TNNI3K: variants seen among roughly 807,000 people sequenced by gnomAD.
TNNI3K encodes the protein serine/threonine-protein kinase TNNI3K.
TNNI3K carries 140 observed loss-of-function variants against 114.5 expected under a neutral mutation model. That is an observed-to-expected ratio of 1.22 (90% CI 1.07 to 1.41). The LOEUF (loss-of-function observed/expected upper bound fraction) is 1.41, where lower values mean the gene tolerates loss of function less well. Ranked by LOEUF, TNNI3K falls within the 40% of genes most tolerant of loss-of-function variation. The probability of loss-of-function intolerance (pLI) is 0.00; values close to 1 mark genes in which losing one functional copy is unlikely to be tolerated. For synonymous variants in TNNI3K, 347 were observed against 347.5 expected, an observed-to-expected ratio of 1.00 and a Z score of 0.02; for missense variants, 1,125 against 1,007.6, an observed-to-expected ratio of 1.12 and a Z score of -1.58.
At chr1:74,378,694 A>G (rs1323807046) in intron 17 of TNNI3K, 1 of 141,744 alleles carries the variant, frequency 7.1e-6, no homozygotes, top group African/African-American at 2.6e-5. Context: ...ATTCATAATG[A>G]CCAATGTGAC....
intron 17 of TNNI3K, chr1:74,372,408 C>T (rs1662664167): frequency 1.3e-5 from 2 of 151,874 alleles, no homozygotes; most frequent in South Asian, 4.2e-4. Flanking sequence ...AGAGATAAAT[C>T]AGATACGTGA....
chr1:74,334,288 C>T (rs552840612), intron 6 of TNNI3K, among the ~76,000 whole-genome samples: 12 of 152,274 alleles, frequency 7.9e-5, no homozygotes, highest in Admixed American at 6.5e-4. Context: ...CTAATATTTT[C>T]TCTAGAATTT....
At chr1:74,242,599 C>T (rs1654306802) in intron 2 of TNNI3K, among the ~76,000 whole-genome samples, 1 of 151,992 alleles carries the variant, frequency 6.6e-6, no homozygotes, top group Non-Finnish European at 1.5e-5. Context: ...TTATAATTAA[C>T]ATAGAATGAA....
intron 24 of TNNI3K, among the ~76,000 whole-genome samples, chr1:74,542,578 T>A (rs1263801231): frequency 6.6e-6 from 1 of 152,214 alleles, no homozygotes; most frequent in Admixed American, 6.5e-5. Context: ...AGTATCACTA[T>A]CAGTGGCATT....
At chr1:74,528,928 A>G (rs562684224) in intron 23 of TNNI3K, among the ~76,000 whole-genome samples, 1 of 152,344 alleles carries the variant, frequency 6.6e-6, no homozygotes, top group East Asian at 1.9e-4. Flanking sequence ...AGCCTGAAAC[A>G]TCTTGCACCA....
At chr1:74,348,816 A>G (rs1661166220) in intron 9 of TNNI3K, among the ~76,000 whole-genome samples, 3 of 152,072 alleles carry the variant, frequency 2.0e-5, no homozygotes, top group Admixed American at 6.6e-5. Context: ...TTGGTGTATA[A>G]GAATGCTTGT....
chr1:74,366,743 C>T (rs1662293428), intron 11 of TNNI3K: 1 of 152,028 alleles, frequency 6.6e-6, no homozygotes, highest in Admixed American at 6.6e-5. Flanking sequence ...AAGAGGAGTA[C>T]AAATATTGGC....
intron 17 of TNNI3K, among the ~76,000 whole-genome samples, chr1:74,394,874 C>G (rs1356310422): frequency 6.6e-6 from 1 of 151,958 alleles, no homozygotes; most frequent in Non-Finnish European, 1.5e-5. Context: ...GAAACCCCGT[C>G]TCTACTAAAA....
At chr1:74,360,937 T>C (rs1456658770) in intron 11 of TNNI3K, among the ~76,000 whole-genome samples, 1 of 152,094 alleles carries the variant, frequency 6.6e-6, no homozygotes, top group Non-Finnish European at 1.5e-5. Flanking sequence ...TTGAATTCAG[T>C]GGATGACTCC....
At chr1:74,322,461 C>CTTT (rs113272069) in intron 5 of TNNI3K, among the ~76,000 whole-genome samples, 11 of 138,898 alleles carry the variant, frequency 7.9e-5, no homozygotes, top group South Asian at 2.3e-4. Context: ...CTAATTCTAC[C>CTTT]TTTTTTTTTT....
intron 17 of TNNI3K, chr1:74,376,931 T>G (rs1001500382): frequency 1.3e-5 from 2 of 152,052 alleles, no homozygotes; most frequent in East Asian, 1.9e-4. Context: ...TTAATTCTTA[T>G]GACCTAGGAG....
At chr1:74,322,434 A>G (rs1453800651) in intron 5 of TNNI3K, among the ~76,000 whole-genome samples, 3 of 147,044 alleles carry the variant, frequency 2.0e-5, no homozygotes, top group Admixed American at 6.8e-5. Flanking sequence ...CCAGCCTCCC[A>G]TATGTTGTCA....
At chr1:74,456,790 T>C (rs912889538) in intron 20 of TNNI3K, among the ~76,000 whole-genome samples, 1 of 152,190 alleles carries the variant, frequency 6.6e-6, no homozygotes, top group Non-Finnish European at 1.5e-5. Flanking sequence ...CAATTTTTTC[T>C]AGGCAGGTTT....
chr1:74,420,937 T>G (rs1665364147), intron 17 of TNNI3K, among the ~76,000 whole-genome samples: 1 of 152,122 alleles, frequency 6.6e-6, no homozygotes, highest in Non-Finnish European at 1.5e-5. Flanking sequence ...AGGTTGCAAT[T>G]TTTTGAATTT....
intron 17 of TNNI3K, among the ~76,000 whole-genome samples, chr1:74,381,599 C>A (rs972045831): frequency 6.6e-6 from 1 of 152,090 alleles, no homozygotes; most frequent in Non-Finnish European, 1.5e-5. Flanking sequence ...TACTGTAGAT[C>A]TCTTTCTATA....
chr1:74,333,946 T>A (rs762077246), intron 6 of TNNI3K, among the ~76,000 whole-genome samples: 1 of 152,234 alleles, frequency 6.6e-6, no homozygotes, highest in African/African-American at 2.4e-5. Flanking sequence ...TCTGCTGTTC[T>A]GATTTCACCT....
chr1:74,480,728 T>C, intron 21 of TNNI3K: 1 of 717,484 alleles, frequency 1.4e-6, no homozygotes, highest in Non-Finnish European at 2.6e-6. Flanking sequence ...CACCAGTACC[T>C]GCAGGCTGTG....
intron 23 of TNNI3K, among the ~76,000 whole-genome samples, chr1:74,514,211 A>G (rs1646312619): frequency 6.6e-6 from 1 of 152,236 alleles, no homozygotes; most frequent in Non-Finnish European, 1.5e-5. Context: ...ACAATCAAGT[A>G]TAAGATACGG....
chr1:74,424,938 G>A (rs1001673654), intron 17 of TNNI3K, among the ~76,000 whole-genome samples: 14 of 152,214 alleles, frequency 9.2e-5, no homozygotes, highest in African/African-American at 3.4e-4. Context: ...GAGAAAAAAA[G>A]TAGTAAGAAG....
Sources: gnomAD v4.1 joint callset for allele counts (sites outside exome capture counted in the v4.1 genomes callset) on GRCh38, gnomAD v4.1.1 for gene constraint, MANE v1.5 for transcripts, NCBI Gene and HGNC (gene_info 2026-07-23, HGNC 2026-07-21) for gene names.